KCNAB1: variants seen among roughly 807,000 people sequenced by gnomAD.
KCNAB1 encodes the protein voltage-gated potassium channel subunit beta-1.
A neutral mutation model predicts 64.6 loss-of-function variants in KCNAB1; 35 were observed. The ratio of observed to expected loss-of-function variants is 0.54; its 90% CI spans 0.41 to 0.72. The LOEUF (loss-of-function observed/expected upper bound fraction) is 0.72, where lower values mean the gene tolerates loss of function less well. KCNAB1 is among the 30% of genes least tolerant of loss of function. The pLI is 0.00. For missense variants in KCNAB1, 401 were observed against 512.9 expected, an observed-to-expected ratio of 0.78 and a Z score of 2.11; for synonymous variants, 177 against 183.8, an observed-to-expected ratio of 0.96 and a Z score of 0.30.
At chr3:156,166,913 A>G (rs919589134) in intron 1 of KCNAB1, among the ~76,000 whole-genome samples, 2 of 152,174 alleles carry the variant, frequency 1.3e-5, no homozygotes, top group Admixed American at 1.3e-4. Flanking sequence ...GTTGATGTTT[A>G]TGGCGGTTTA....
At chr3:156,384,454 T>C (rs1482943917) in intron 1 of KCNAB1, among the ~76,000 whole-genome samples, 1 of 152,176 alleles carries the variant, frequency 6.6e-6, no homozygotes, top group Non-Finnish European at 1.5e-5. Flanking sequence ...AAGTCCTGGG[T>C]CTCAGACCAA....
Position 156,359,950 on chromosome 3 carries a change from A to G in KCNAB1, c.276-61666A>G, listed in dbSNP as rs369803591. The stretch of plus-strand genomic sequence containing the variant: ...ACATACTAGTGGACCATTTTACTCC[A>G]TTGGAGCCTCTATTTCTTCACATGT... On this transcript the variant is annotated intron_variant, in intron 1 of 13. Transcript: ENST00000490337. 4.6e-5 allele frequency among the ~76,000 whole-genome samples: 7 copies of G among 152,332 alleles called. No homozygotes were observed. The South Asian group carries it at 8.3e-4, about 18-fold the overall frequency.
chr3:156,503,390 T>C (rs1716586140), intron 8 of KCNAB1, among the ~76,000 whole-genome samples: 1 of 152,234 alleles, frequency 6.6e-6, no homozygotes, highest in African/African-American at 2.4e-5. Context: ...TCGCCATTCT[T>C]ATCTAAATGT....
chr3:156,530,893 A>C (rs1353953208), intron 12 of KCNAB1, among the ~76,000 whole-genome samples: 1 of 152,172 alleles, frequency 6.6e-6, no homozygotes, highest in Non-Finnish European at 1.5e-5. Context: ...ACAGGAATCC[A>C]GCCATCTGCT....
chr3:156,472,579 G>T (rs1012239074), intron 7 of KCNAB1, among the ~76,000 whole-genome samples: 1 of 152,112 alleles, frequency 6.6e-6, no homozygotes, highest in African/African-American at 2.4e-5. Context: ...TCAGAGGAGG[G>T]ATCACTGGCC....
At chr3:156,347,700 A>G (rs932811515) in intron 1 of KCNAB1, among the ~76,000 whole-genome samples, 12 of 152,216 alleles carry the variant, frequency 7.9e-5, no homozygotes, top group African/African-American at 2.9e-4. Flanking sequence ...GAGCTTGTTC[A>G]TCATTTCTGA....
chr3:156,355,190 A>G (rs978727636), intron 1 of KCNAB1, among the ~76,000 whole-genome samples: 2 of 152,370 alleles, frequency 1.3e-5, no homozygotes, highest in South Asian at 4.1e-4. Flanking sequence ...GTATATTCAC[A>G]TGTACCATCA....
intron 1 of KCNAB1, among the ~76,000 whole-genome samples, chr3:156,419,497 T>A (rs1203845917): frequency 1.6e-4 from 22 of 135,166 alleles, no homozygotes; most frequent in Admixed American, 1.5e-3. Context: ...CGAGACTCCG[T>A]CTCAAAAAAA....
At chr3:156,131,606 A>G (rs1275341366) in intron 1 of KCNAB1, among the ~76,000 whole-genome samples, 1 of 152,180 alleles carries the variant, frequency 6.6e-6, no homozygotes, top group Non-Finnish European at 1.5e-5. Context: ...TAATACCTTG[A>G]AATCAGAAAG....
intron 1 of KCNAB1, among the ~76,000 whole-genome samples, chr3:156,125,255 C>T (rs1713584443): frequency 6.6e-6 from 1 of 152,074 alleles, no homozygotes; most frequent in Non-Finnish European, 1.5e-5. Context: ...CCATACTGTA[C>T]ACGGTGTATT....
intron 1 of KCNAB1, among the ~76,000 whole-genome samples, chr3:156,211,634 A>G (rs1462632493): frequency 6.6e-6 from 1 of 152,260 alleles, no homozygotes; most frequent in Non-Finnish European, 1.5e-5. Flanking sequence ...ATTATGCCCC[A>G]TGAAGATGGA....
intron 1 of KCNAB1, chr3:156,176,198 T>G: frequency 1.3e-6 from 1 of 777,348 alleles, no homozygotes; most frequent in Non-Finnish European, 2.4e-6. Context: ...GAACTTAAGG[T>G]CAGGCCAGTC....
At chr3:156,283,983 A>G (rs1308246686) in intron 1 of KCNAB1, among the ~76,000 whole-genome samples, 3 of 151,818 alleles carry the variant, frequency 2.0e-5, no homozygotes, top group African/African-American at 7.3e-5. Flanking sequence ...GTCATTCTCC[A>G]TCCAGCTTTG....
At chr3:156,372,298 G>A (rs143349150) in intron 1 of KCNAB1, among the ~76,000 whole-genome samples, 1 of 152,318 alleles carries the variant, frequency 6.6e-6, no homozygotes, top group African/African-American at 2.4e-5. Flanking sequence ...CCTTGGGTAA[G>A]TTACTTAATA....
At chr3:156,429,461 A>G (rs1156953201) in intron 2 of KCNAB1, among the ~76,000 whole-genome samples, 6 of 152,194 alleles carry the variant, frequency 3.9e-5, no homozygotes, top group Admixed American at 2.6e-4. Flanking sequence ...GTCTTGCCTT[A>G]TGCCCCTCCC....
chr3:156,291,818 GA>G lies in KCNAB1; in HGVS notation c.276-129794del, dbSNP rs984286781. The G allele has an allele frequency of 4.5e-5, 71 of 1,588,936 alleles. No homozygotes were observed. The African/African-American group carries it at 7.3e-4, about 16-fold the overall frequency. Reference sequence around the variant, plus strand: ...AAGGGGGAGCAAGGAGGGCTTAAAAGAAAAGCAGAAATCCCCGCAACTGCTC... The same window carrying G: ...AAGGGGGAGCAAGGAGGGCTTAAAAGAAAGCAGAAATCCCCGCAACTGCTC... On this transcript the variant is annotated intron_variant, in intron 1 of 13. Coordinates refer to ENST00000490337, the MANE Select transcript of KCNAB1 (RefSeq NM_172160.3).
chr3:156,292,600 C>G (rs1254425873), intron 1 of KCNAB1, among the ~76,000 whole-genome samples: 1 of 152,048 alleles, frequency 6.6e-6, no homozygotes, highest in Admixed American at 6.5e-5. Context: ...TGCAGTGGTG[C>G]GATCTGGGCT....
At chr3:156,433,276 A>G (rs1181275271) in intron 2 of KCNAB1, among the ~76,000 whole-genome samples, 2 of 152,168 alleles carry the variant, frequency 1.3e-5, no homozygotes, top group African/African-American at 4.8e-5. Context: ...ATGGTGATTA[A>G]TTTTTTAGCC....
intron 1 of KCNAB1, among the ~76,000 whole-genome samples, chr3:156,238,421 C>CA (rs745633828): frequency 0.065 from 4,572 of 70,004 alleles, 161 homozygotes; most frequent in East Asian, 0.12. Flanking sequence ...GACTTGGTCT[C>CA]AAAAAAAAAA....
Sources: allele counts gnomAD v4.1 joint callset (sites outside exome capture counted in the v4.1 genomes callset), GRCh38; gene constraint gnomAD v4.1.1; transcripts MANE v1.5; gene names NCBI Gene and HGNC (gene_info 2026-07-23, HGNC 2026-07-21).